Variants in RMST observed in about 807,000 individuals in gnomAD.
The protein encoded by RMST is long intergenic non-protein coding RNA 54.
chr12:97,536,045 A>G (rs1375433359), intron 11 of RMST, among the ~76,000 whole-genome samples: 1 of 151,594 alleles, frequency 6.6e-6, no homozygotes, highest in Non-Finnish European at 1.5e-5. Context: ...TTAAAGTCAG[A>G]GGCATCTGTC....
chr12:97,476,808 A>G (rs148099999), intron 5 of RMST, among the ~76,000 whole-genome samples: 1 of 152,334 alleles, frequency 6.6e-6, no homozygotes, highest in East Asian at 1.9e-4. Context: ...AAAGAGATAT[A>G]GATATAATAA....
chr12:97,492,020 G>A (rs1296277850), intron 5 of RMST: 1 of 523,932 alleles, frequency 1.9e-6, no homozygotes, highest in South Asian at 1.4e-5. Context: ...CTGGAGTTTG[G>A]ATTGATCTAA....
intron 5 of RMST, among the ~76,000 whole-genome samples, chr12:97,488,025 T>C (rs1206633034): frequency 6.6e-6 from 1 of 152,226 alleles, no homozygotes; most frequent in Non-Finnish European, 1.5e-5. Context: ...GGCAGAAGGC[T>C]GTCTCTGGGA....
At chr12:97,531,713 T>C (rs1029364179) in intron 11 of RMST, among the ~76,000 whole-genome samples, 1 of 152,002 alleles carries the variant, frequency 6.6e-6, no homozygotes, top group African/African-American at 2.4e-5. Context: ...CAATTTGCAA[T>C]ATAATCGGGG....
chr12:97,510,777 A>G (rs1879194239), intron 10 of RMST, among the ~76,000 whole-genome samples: 1 of 152,222 alleles, frequency 6.6e-6, no homozygotes, highest in African/African-American at 2.4e-5. Flanking sequence ...TCAAAAATTT[A>G]AAACAATTCA....
intron 10 of RMST, among the ~76,000 whole-genome samples, chr12:97,503,123 TTTCCAGCAGC>T (rs2136484424): frequency 6.6e-6 from 1 of 152,352 alleles, no homozygotes; most frequent in Admixed American, 6.5e-5. Context: ...ACCATATTGA[TTTCCAGCAGC>T]TTCCTTCTAG....
rs1323669851 is a variant in RMST, at chr12:97,475,923, T to C, written n.644+10196T>C. Among the ~76,000 whole-genome samples, 3 of 152,210 alleles carry C rather than the reference T, an allele frequency of 2.0e-5. No individual in the cohort carries two copies. In the East Asian group the frequency reaches 5.8e-4, roughly 29 times the overall value. ...ACAGTGTTAAAGCTGTAATTTCTAT[T>C]TCACCCACGTTGCTGCATCACATAC... On this transcript the variant is annotated intron_variant and non_coding_transcript_variant, in intron 5 of 13. Coordinates refer to ENST00000640149, the Ensembl canonical transcript of RMST.
rs575158280 is a variant in RMST, at chr12:97,511,999, G to C, written n.1340+15943G>C. ...TTCAAGAATGAAGCCGCGGACCCTC[G>C]CAGTGAGTGTTACAGTTCTTAAAGG... On this transcript the variant is annotated intron_variant and non_coding_transcript_variant, in intron 10 of 13. Coordinates refer to ENST00000640149, the Ensembl canonical transcript of RMST. Among the ~76,000 whole-genome samples the C allele has an allele frequency of 1.4e-4, 21 of 152,296 alleles. No individual in the cohort carries two copies. The South Asian group carries it at 4.4e-3, about 32-fold the overall frequency.
intron 5 of RMST, among the ~76,000 whole-genome samples, chr12:97,489,150 A>T (rs1876471297): frequency 6.6e-6 from 1 of 152,228 alleles, no homozygotes; most frequent in Admixed American, 6.5e-5. Flanking sequence ...GCTGTATAGG[A>T]AAAGCTACTT....
intron 10 of RMST, among the ~76,000 whole-genome samples, chr12:97,525,520 A>C (rs975716650): frequency 6.6e-5 from 10 of 152,140 alleles, no homozygotes; most frequent in African/African-American, 2.4e-4. Context: ...ATATAACATA[A>C]ATTTATACAA....
chr12:97,472,200 TAGC>T (rs1407912734), intron 5 of RMST, among the ~76,000 whole-genome samples: 4 of 152,216 alleles, frequency 2.6e-5, no homozygotes, highest in African/African-American at 9.6e-5. Context: ...AGTTTTGTGT[TAGC>T]AGCTTTTAAT....
chr12:97,539,988 A>C (rs1565935521), intron 11 of RMST, among the ~76,000 whole-genome samples: 2 of 151,712 alleles, frequency 1.3e-5, no homozygotes, highest in Non-Finnish European at 3.0e-5. Context: ...TTAAAGGCTG[A>C]AGGACTTAAT....
intron 11 of RMST, among the ~76,000 whole-genome samples, chr12:97,535,879 G>A (rs958944196): frequency 2.0e-5 from 3 of 151,552 alleles, no homozygotes; most frequent in Admixed American, 1.3e-4. Flanking sequence ...TACTCAGTGG[G>A]CTTATTTCAT....
chr12:97,508,484 G>A (rs900648567), intron 10 of RMST, among the ~76,000 whole-genome samples: 3 of 152,176 alleles, frequency 2.0e-5, no homozygotes, highest in African/African-American at 7.2e-5. Flanking sequence ...AAGAAAGGTG[G>A]TCAGCTGAGA....
chr12:97,530,968 C>G (rs1881559184), intron 11 of RMST: 2 of 149,128 alleles, frequency 1.3e-5, no homozygotes, highest in African/African-American at 4.9e-5. Flanking sequence ...AGAAAAAGAT[C>G]CGTATGCTTT....
At chr12:97,509,081 T>G (rs1242965587) in intron 10 of RMST, among the ~76,000 whole-genome samples, 1 of 152,232 alleles carries the variant, frequency 6.6e-6, no homozygotes, top group Non-Finnish European at 1.5e-5. Flanking sequence ...AAGTTCATCC[T>G]TTGACTAGGA....
intron 10 of RMST, among the ~76,000 whole-genome samples, chr12:97,516,359 A>G (rs1010915665): frequency 3.3e-5 from 5 of 152,048 alleles, no homozygotes. Context: ...CACATTTTGT[A>G]AAACCCTGCA....
chr12:97,544,603 C>G (rs994953011), intron 11 of RMST, among the ~76,000 whole-genome samples: 2 of 152,028 alleles, frequency 1.3e-5, no homozygotes, highest in African/African-American at 4.8e-5. Flanking sequence ...CATACCTTCG[C>G]TAGAATTGTA....
chr12:97,492,794 T>C (rs1876998887), intron 6 of RMST: 1 of 152,156 alleles, frequency 6.6e-6, no homozygotes, highest in Non-Finnish European at 1.5e-5. Context: ...CCCTTGAAGG[T>C]CCTCTATCTC....
Sources: gnomAD v4.1 joint callset for allele counts (sites outside exome capture counted in the v4.1 genomes callset) on GRCh38, gnomAD v4.1.1 for gene constraint, MANE v1.5 for transcripts, NCBI Gene and HGNC (gene_info 2026-07-23, HGNC 2026-07-21) for gene names.